CDH6: variants seen among roughly 807,000 people sequenced by gnomAD.
The protein encoded by CDH6 is cadherin-6.
CDH6 carries 31 observed loss-of-function variants against 78.0 expected under a neutral mutation model. The observed-to-expected ratio is 0.40, with a 90% CI of 0.30 to 0.54. The LOEUF is 0.54. CDH6 is among the 20% of genes least tolerant of loss of function. The pLI is 0.56. For missense variants in CDH6, 724 were observed against 975.9 expected, an observed-to-expected ratio of 0.74 and a Z score of 3.44; for synonymous variants, 376 against 368.8, an observed-to-expected ratio of 1.02 and a Z score of -0.23.
At position 31,294,051 on chromosome 5, in the gene CDH6, C is replaced by A. The variant is rs1737501175; in HGVS notation, c.318C>A (p.Asn106Lys). Residue 106 changes from asparagine (N) to lysine (K), a missense_variant, in exon 3 of 12, where the codon AAC becomes AAA. Around this residue, in one of 3 missense-constraint regions of CDH6, gnomAD observed 446 missense variants for 684.5 expected, o/e 0.65. Transcript: ENST00000265071. This position sits in a 1 kb window ranked among gnomAD's most constrained non-coding sequence, Gnocchi z 4.1. ...GAGATCTCTTCATTATTAATGAAAA[C>A]ACAGGCGACATACAGGCCACCAAGA... ...GAGDLFIINE[N>K]TGDIQATKRL... is the part of the protein sequence containing the mutation. 6.2e-7 allele frequency: 1 copy of A among 1,613,086 alleles called. No homozygotes were observed. The highest frequency in any genetic ancestry group is 8.5e-7 in the Non-Finnish European group (1 of 1,179,528).
chr5:31,297,028 T>C (rs1737628887), intron 3 of CDH6, among the ~76,000 whole-genome samples: 2 of 152,246 alleles, frequency 1.3e-5, no homozygotes, highest in South Asian at 2.1e-4. Flanking sequence ...AATCCCGCCA[T>C]TGGAGATGGG....
chr5:31,242,704 G>A (rs556524092), intron 1 of CDH6, among the ~76,000 whole-genome samples: 23 of 150,758 alleles, frequency 1.5e-4, no homozygotes, highest in African/African-American at 5.1e-4. Flanking sequence ...ATAAGAATGG[G>A]GGGGGGCGGT....
At chr5:31,199,669 A>ATGTG (rs763899210) in intron 1 of CDH6, among the ~76,000 whole-genome samples, 15,877 of 93,732 alleles carry the variant, frequency 0.17, 1,434 homozygotes, top group Non-Finnish European at 0.19. Flanking sequence ...GTGTGTGTGT[A>ATGTG]TGTGTGTGTG....
At chr5:31,321,821 C>A (rs1738484132) in intron 11 of CDH6, among the ~76,000 whole-genome samples, 1 of 152,170 alleles carries the variant, frequency 6.6e-6, no homozygotes, top group Non-Finnish European at 1.5e-5. Flanking sequence ...CTCCTCTGCA[C>A]AAACCCAGTT....
At position 31,320,738 on chromosome 5, in the gene CDH6, G is replaced by A. The variant is rs201767479; in HGVS notation, c.1883-2080G>A. Among the ~76,000 whole-genome samples the A allele has an allele frequency of 7.9e-4, 121 of 152,224 alleles. 1 individual carries two copies. The East Asian group carries it at 0.012, about 15-fold the overall frequency. ...CACGCCTGTAATCCCAACACTTTGC[G>A]AGGCCGAGGCAGGTGGATCACTTGA... is the stretch of plus-strand genomic sequence containing the variant. On this transcript the variant is annotated intron_variant, in intron 11 of 11. Coordinates refer to ENST00000265071, the MANE Select transcript of CDH6 (RefSeq NM_004932.4).
intron 7 of CDH6, among the ~76,000 whole-genome samples, chr5:31,310,620 C>T (rs932779813): frequency 6.6e-6 from 1 of 152,252 alleles, no homozygotes; most frequent in African/African-American, 2.4e-5. Context: ...CAGCAGATTT[C>T]TGCCTAAACA....
chr5:31,318,318 G>A (rs548035676), intron 11 of CDH6: 167 of 374,524 alleles, frequency 4.5e-4, no homozygotes, highest in Middle Eastern at 7.0e-4. Flanking sequence ...TAAAGGTAAA[G>A]TTTAAAGATC....
At chr5:31,310,132 C>T (rs1738105649) in intron 7 of CDH6, among the ~76,000 whole-genome samples, 1 of 152,092 alleles carries the variant, frequency 6.6e-6, no homozygotes, top group Non-Finnish European at 1.5e-5. Context: ...AGTCTATGAG[C>T]CTGTAAAATA....
At chr5:31,195,183 G>A (rs1740128058) in intron 1 of CDH6, among the ~76,000 whole-genome samples, 1 of 152,112 alleles carries the variant, frequency 6.6e-6, no homozygotes, top group Non-Finnish European at 1.5e-5. Context: ...GCACACAGTG[G>A]GAAAGAAGGA....
chr5:31,209,563 A>C (rs1008073208), intron 1 of CDH6, among the ~76,000 whole-genome samples: 1 of 152,178 alleles, frequency 6.6e-6, no homozygotes, highest in African/African-American at 2.4e-5. Context: ...AGCTACAGTC[A>C]TTCATGCTCA....
chr5:31,309,189 A>G (rs1018167420), intron 7 of CDH6, among the ~76,000 whole-genome samples: 1 of 152,146 alleles, frequency 6.6e-6, no homozygotes, highest in African/African-American at 2.4e-5. Flanking sequence ...ATTCAACTTG[A>G]TATTATACCC....
rs371451387 is a variant in CDH6 at position 31,262,657 on chromosome 5, A to G, written c.-128-4689A>G. On this transcript the variant is annotated intron_variant, in intron 1 of 11. Transcript: ENST00000265071. ...GGTGAGGGCAGAAAAAAGGTTCAAC[A>G]TCTACTTCGTTTTGCTTTTCCTCCC... Among the ~76,000 whole-genome samples, 476 of 152,256 alleles carry G rather than the reference A, an allele frequency of 3.1e-3. 14 individuals carry two copies. Among genetic ancestry groups the G allele is most frequent in the East Asian group, 1.7e-3 (9 of 5,184 alleles).
At chr5:31,293,705 C>T (rs1456751960) in intron 2 of CDH6, among the ~76,000 whole-genome samples, 1 of 152,006 alleles carries the variant, frequency 6.6e-6, no homozygotes, top group Non-Finnish European at 1.5e-5. Flanking sequence ...TTTGTTTTCC[C>T]TTCTTCAAAA....
intron 1 of CDH6, among the ~76,000 whole-genome samples, chr5:31,243,669 A>G (rs1741664385): frequency 6.6e-6 from 1 of 152,120 alleles, no homozygotes. Flanking sequence ...GGGAGGCATC[A>G]TAGCATCTCC....
intron 11 of CDH6, among the ~76,000 whole-genome samples, chr5:31,321,671 A>G (rs1738481642): frequency 6.6e-6 from 1 of 152,174 alleles, no homozygotes; most frequent in African/African-American, 2.4e-5. Context: ...CTATTATTAT[A>G]TAGGTAGTTT....
chr5:31,247,623 A>C (rs895699182), intron 1 of CDH6, among the ~76,000 whole-genome samples: 2 of 152,236 alleles, frequency 1.3e-5, no homozygotes, highest in African/African-American at 4.8e-5. Flanking sequence ...AGCAGCAGGA[A>C]GTGTTGTGCA....
At chr5:31,266,489 T>C (rs998191618) in intron 1 of CDH6, among the ~76,000 whole-genome samples, 1 of 152,230 alleles carries the variant, frequency 6.6e-6, no homozygotes, top group African/African-American at 2.4e-5. Context: ...CTTGATTGTT[T>C]ATGATACAGG....
Position 31,323,326 on chromosome 5 carries a change from T to C in CDH6, c.*18T>C. On this transcript the variant is annotated 3_prime_UTR_variant, in exon 12 of 12. Coordinates refer to ENST00000265071, the MANE Select transcript of CDH6 (RefSeq NM_004932.4). ...ACTCCTAATCTGTTGCCTTTTTCAT[T>C]TTCCAATACGACACTGAAATATGTG... The C allele has an allele frequency of 6.3e-7, 1 of 1,593,512 alleles. No homozygotes were observed. The highest frequency in any genetic ancestry group is 8.6e-7 in the Non-Finnish European group (1 of 1,165,718).
intron 1 of CDH6, among the ~76,000 whole-genome samples, chr5:31,200,830 C>T (rs1287324130): frequency 6.6e-6 from 1 of 151,998 alleles, no homozygotes; most frequent in Non-Finnish European, 1.5e-5. Flanking sequence ...TCTATTGCCG[C>T]CATTCAAAAA....
Sources: gnomAD v4.1 joint callset for allele counts (sites outside exome capture counted in the v4.1 genomes callset) on GRCh38, gnomAD v4.1.1 for gene constraint, gnomAD v4.1.1 regional missense constraint, Gnocchi (gnomAD v3.1) non-coding constraint, MANE v1.5 for transcripts, NCBI Gene and HGNC (gene_info 2026-07-23, HGNC 2026-07-21) for gene names.